Variants in ST7 observed in about 807,000 individuals in gnomAD.
The protein encoded by ST7 is suppression of tumorigenicity 7, also known as suppressor of tumorigenicity 7 protein.
A neutral mutation model predicts 78.7 loss-of-function variants in ST7; 28 were observed. The ratio of observed to expected loss-of-function variants is 0.36; its 90% confidence interval spans 0.26 to 0.49. ST7 has a LOEUF of 0.49. Ranked by LOEUF, ST7 falls within the 20% of genes least tolerant of loss-of-function variation. ST7 has a pLI of 0.99. For synonymous variants in ST7, 247 were observed against 249.6 expected (o/e 0.99, Z 0.10); for missense variants, 418 against 696.0 (o/e 0.60, Z 4.49).
Position 116,986,102 on chromosome 7 carries a change from G to A in ST7, c.151+32411G>A, listed in dbSNP as rs144443271. Among the ~76,000 whole-genome samples the A allele has an allele frequency of 8.3e-3, 1,271 of 152,332 alleles. 24 individuals carry two copies. Among genetic ancestry groups the A allele is most frequent in the African/African-American group, 0.028 (1,171 of 41,574 alleles). ...CCCACCTTGGCCTCCCAAAGTGCTG[G>A]GACTACAGATGTGAGCCACCACGCC... On this transcript the variant is annotated intron_variant, in intron 1 of 15. Coordinates refer to ENST00000323984, the MANE Select transcript of ST7 (RefSeq NM_001369598.1).
At chr7:117,098,805 C>A in intron 1 of ST7, 1 of 1,302,008 alleles carries the variant, frequency 7.7e-7, no homozygotes, top group Non-Finnish European at 1.0e-6. Context: ...AATACTCCCA[C>A]AAAAAGCCCA....
chr7:116,989,848 AT>A (rs1299370593), intron 1 of ST7, among the ~76,000 whole-genome samples: 7 of 151,502 alleles, frequency 4.6e-5, no homozygotes, highest in East Asian at 1.9e-4. Context: ...CCAAAAAAAA[AT>A]TTTTTTTTCC....
intron 6 of ST7, 43 bp downstream of exon 6, chr7:117,132,003 C>T: frequency 6.4e-7 from 1 of 1,561,104 alleles, no homozygotes; most frequent in Middle Eastern, 1.7e-4. Flanking sequence ...AAATCTCATC[C>T]TTTGCTGAAT....
chr7:117,058,428 A>G (rs574492157), intron 1 of ST7, among the ~76,000 whole-genome samples: 10 of 152,298 alleles, frequency 6.6e-5, no homozygotes, highest in Non-Finnish European at 1.0e-4. Flanking sequence ...CATCTGCTAT[A>G]TATCTTTTCT....
chr7:117,158,564 G>A (rs1326770181), intron 9 of ST7, among the ~76,000 whole-genome samples: 1 of 152,224 alleles, frequency 6.6e-6, no homozygotes, highest in African/African-American at 2.4e-5. Context: ...TGGTGAACTA[G>A]TGAACATGCG....
intron 2 of ST7, among the ~76,000 whole-genome samples, chr7:117,106,227 T>C (rs1422554458): frequency 6.6e-6 from 1 of 151,904 alleles, no homozygotes; most frequent in Admixed American, 6.5e-5. Context: ...CTCGATCTCC[T>C]GACCTCAAGA....
intron 1 of ST7, among the ~76,000 whole-genome samples, chr7:116,964,646 T>G (rs1793011965): frequency 6.6e-6 from 1 of 152,234 alleles, no homozygotes; most frequent in African/African-American, 2.4e-5. Flanking sequence ...GAGAGGAATT[T>G]TTGTCTTAGC....
chr7:117,097,793 C>A (rs1482271406), intron 1 of ST7, among the ~76,000 whole-genome samples: 6 of 135,700 alleles, frequency 4.4e-5, no homozygotes, highest in Non-Finnish European at 9.3e-5. Context: ...CTTCCACGAA[C>A]AAACTGTTGC....
intron 1 of ST7, among the ~76,000 whole-genome samples, chr7:117,077,062 C>T (rs1391731767): frequency 6.6e-6 from 1 of 152,076 alleles, no homozygotes; most frequent in African/African-American, 2.4e-5. Context: ...TGTAATCTTC[C>T]CCTGGAGTCT....
At chr7:117,070,990 C>T (rs1362827936) in intron 1 of ST7, among the ~76,000 whole-genome samples, 2 of 151,898 alleles carry the variant, frequency 1.3e-5, no homozygotes, top group East Asian at 2.0e-4. Flanking sequence ...GAGGCCAAGG[C>T]GGGTGGATCA....
intron 3 of ST7, 92 bp downstream of exon 3, chr7:117,119,812 T>C: frequency 7.0e-7 from 1 of 1,429,598 alleles, no homozygotes; most frequent in Non-Finnish European, 9.5e-7. Flanking sequence ...ATGTTGTTAT[T>C]TAAACATTAG....
At chr7:117,159,481 G>A (rs1417338125) in intron 9 of ST7, among the ~76,000 whole-genome samples, 1 of 152,190 alleles carries the variant, frequency 6.6e-6, no homozygotes, top group Non-Finnish European at 1.5e-5. Context: ...AATTACCAGT[G>A]TGGAGAAGAT....
At chr7:117,064,795 C>T (rs570005680) in intron 1 of ST7, among the ~76,000 whole-genome samples, 1 of 152,224 alleles carries the variant, frequency 6.6e-6, no homozygotes, top group East Asian at 1.9e-4. Context: ...AGAGGATTCA[C>T]CTGCAAAAAT....
At chr7:117,123,267 A>T (rs1354925333) in intron 3 of ST7, among the ~76,000 whole-genome samples, 1 of 152,140 alleles carries the variant, frequency 6.6e-6, no homozygotes, top group Non-Finnish European at 1.5e-5. Context: ...TTCCTTAAGG[A>T]ATAATTTGTT....
In ST7 at chr7:117,031,447, T is replaced by C. The variant is rs36181451; in HGVS notation, c.152-68315T>C. Among the ~76,000 whole-genome samples, 11 of 108,956 alleles carry C rather than the reference T, an allele frequency of 1.0e-4. 3 individuals carry two copies. Among genetic ancestry groups the C allele is most frequent in the African/African-American group, 2.1e-4 (8 of 37,218 alleles). 71.5% of individuals were successfully genotyped at this position (108,956 alleles called of 152,430 possible). ...ATATGTGCATATATATGCATATATG[T>C]GTGTATATGTGCATATATATGCATA... On this transcript the variant is annotated intron_variant, in intron 1 of 15. Coordinates refer to ENST00000323984, the MANE Select transcript of ST7 (RefSeq NM_001369598.1).
At chr7:117,020,628 A>G (rs1426506489) in intron 1 of ST7, 2 of 1,550,520 alleles carry the variant, frequency 1.3e-6, no homozygotes, top group Admixed American at 2.0e-5. Context: ...CTGAATCTTC[A>G]TGTAAGTAAA....
intron 3 of ST7, chr7:117,128,299 G>C (rs913761211): frequency 6.6e-6 from 1 of 151,878 alleles, no homozygotes; most frequent in African/African-American, 2.4e-5. Context: ...GAGCTCACCA[G>C]TGTGTTTCAA....
At chr7:117,106,727 T>G (rs1271076589) in intron 2 of ST7, among the ~76,000 whole-genome samples, 1 of 151,324 alleles carries the variant, frequency 6.6e-6, no homozygotes, top group East Asian at 2.0e-4. Flanking sequence ...TTCACACCAT[T>G]CTCCTGCCTT....
intron 12 of ST7, among the ~76,000 whole-genome samples, chr7:117,199,932 G>A (rs901504615): frequency 2.0e-5 from 3 of 152,132 alleles, no homozygotes; most frequent in South Asian, 2.1e-4. Context: ...GAGTGGCCTG[G>A]CTGTATACAG....
Sources: gnomAD v4.1 joint callset for allele counts (sites outside exome capture counted in the v4.1 genomes callset) on GRCh38, gnomAD v4.1.1 for gene constraint, MANE v1.5 for transcripts, NCBI Gene and HGNC (gene_info 2026-07-23, HGNC 2026-07-21) for gene names.